Variants in CRTAC1 observed in about 807,000 individuals in gnomAD.
CRTAC1 encodes cartilage acidic protein 1.
In CRTAC1, 37 loss-of-function variants were observed where a neutral mutation model predicts 67.8. The observed-to-expected ratio is 0.55, with a 90% confidence interval of 0.42 to 0.72. CRTAC1 has a LOEUF of 0.72. Ranked by LOEUF, CRTAC1 falls within the 30% of genes least tolerant of loss-of-function variation. CRTAC1 has a pLI of 0.00. For synonymous variants in CRTAC1, 348 were observed against 371.0 expected (o/e 0.94, Z 0.71); for missense variants, 780 against 931.6 (o/e 0.84, Z 2.12).
In CRTAC1 at chr10:97,895,720, T is replaced by C. The variant is rs2050447707; in HGVS notation, c.1317+165A>G. Among the ~76,000 whole-genome samples, 1 of 152,140 alleles carries C rather than the reference T, an allele frequency of 6.6e-6. No individual in the cohort carries two copies. The highest frequency in any genetic ancestry group is 6.5e-5 in the Admixed American group (1 of 15,278). On this transcript the variant is annotated intron_variant, in intron 10 of 14. Coordinates refer to ENST00000370597, the MANE Select transcript of CRTAC1 (RefSeq NM_018058.7). The surrounding 1 kb of genome is among the most constrained non-coding windows in gnomAD (Gnocchi z 4.2). ...GGGCTTCTCCCAAGGCGGCCCTTCC[T>C]GAGCTTCCCGGTGCTGCTGGAATTT... is the stretch of plus-strand genomic sequence containing the variant.
intron 2 of CRTAC1, among the ~76,000 whole-genome samples, chr10:97,943,864 G>A (rs1212331916): frequency 2.6e-5 from 4 of 152,170 alleles, no homozygotes; most frequent in Admixed American, 6.5e-5. Flanking sequence ...TCCATTTGGC[G>A]CTTTACTGAA....
chr10:97,897,491 A>G (rs1405186335), intron 8 of CRTAC1, among the ~76,000 whole-genome samples: 1 of 152,184 alleles, frequency 6.6e-6, no homozygotes. Context: ...CCCTGGTAGA[A>G]TGTGAGCTCT....
intron 2 of CRTAC1, among the ~76,000 whole-genome samples, chr10:97,940,919 C>T (rs755732313): frequency 2.6e-5 from 4 of 152,196 alleles, no homozygotes; most frequent in Non-Finnish European, 2.9e-5. Flanking sequence ...GTTGATATTT[C>T]CAAACACACT....
intron 2 of CRTAC1, among the ~76,000 whole-genome samples, chr10:97,994,374 G>T (rs374816361): frequency 6.6e-5 from 10 of 152,238 alleles, no homozygotes; most frequent in African/African-American, 2.4e-4. Context: ...CACCAGATAG[G>T]GTGCTCGCTC....
chr10:97,891,709 C>T (rs576938711), intron 11 of CRTAC1, among the ~76,000 whole-genome samples: 1 of 152,362 alleles, frequency 6.6e-6, no homozygotes, highest in Non-Finnish European at 1.5e-5. Context: ...CCATGTCCTT[C>T]CCTCCATCTG....
chr10:97,944,365 G>C (rs892720189), intron 2 of CRTAC1, among the ~76,000 whole-genome samples: 1 of 152,078 alleles, frequency 6.6e-6, no homozygotes, highest in Admixed American at 6.5e-5. Flanking sequence ...CGGGGAGGCA[G>C]ATGTTGCAGT....
chr10:97,953,660 A>T (rs535335081), intron 2 of CRTAC1, among the ~76,000 whole-genome samples: 15 of 152,260 alleles, frequency 9.9e-5, no homozygotes, highest in African/African-American at 3.4e-4. Flanking sequence ...TGGGGTCATT[A>T]TTTATCTCCC....
intron 1 of CRTAC1, among the ~76,000 whole-genome samples, chr10:98,016,915 C>T (rs1843009207): frequency 6.6e-6 from 1 of 152,058 alleles, no homozygotes; most frequent in South Asian, 2.1e-4. Context: ...AAAAGCAGAG[C>T]AGGATGACAC....
At position 97,904,753 on chromosome 10, in the gene CRTAC1, G is replaced by A; in HGVS notation, c.912C>T (p.Gly304=). The A allele has an allele frequency of 6.2e-7, 1 of 1,607,700 alleles. No individual in the cohort carries two copies. Among genetic ancestry groups the A allele is most frequent in the Non-Finnish European group, 8.5e-7 (1 of 1,177,350 alleles). ...GVALADFNRD[G]KVDIVYGNWN... ...AGTTGCCATAGACGATGTCCACTTTGCCATCACGGTTGAAGTCAGCCAGGG... is the reference window on the plus strand; with the variant it reads ...AGTTGCCATAGACGATGTCCACTTTACCATCACGGTTGAAGTCAGCCAGGG... The change falls in exon 7 of 15, where the codon GGC becomes GGT. Residue 304 remains glycine (G), a synonymous_variant. Coordinates refer to ENST00000370597, the MANE Select transcript of CRTAC1 (RefSeq NM_018058.7).
intron 2 of CRTAC1, among the ~76,000 whole-genome samples, chr10:97,974,704 C>T (rs755773392): frequency 1.6e-4 from 24 of 152,346 alleles, no homozygotes; most frequent in Admixed American, 5.9e-4. Context: ...GGGGTCACCC[C>T]TGCCTCTGCC....
intron 5 of CRTAC1, among the ~76,000 whole-genome samples, chr10:97,913,994 A>G (rs987692770): frequency 1.3e-5 from 2 of 152,216 alleles, no homozygotes; most frequent in Non-Finnish European, 1.5e-5. Context: ...CCCACCTGAC[A>G]TCATAAATCC....
chr10:97,916,199 C>T (rs2050756894), intron 5 of CRTAC1, among the ~76,000 whole-genome samples: 1 of 151,798 alleles, frequency 6.6e-6, no homozygotes, highest in Non-Finnish European at 1.5e-5. Context: ...ACTTAATTGC[C>T]AAGCCAGCCC....
rs749919406 is a variant in CRTAC1, at chr10:98,024,746, C to CTTTTTTTT, written c.24+5695_24+5702dup. Among the ~76,000 whole-genome samples, 3 of 65,052 alleles carry CTTTTTTTT rather than the reference C, an allele frequency of 4.6e-5. 1 individual carries two copies. Among genetic ancestry groups the CTTTTTTTT allele is most frequent in the Non-Finnish European group, 9.5e-5 (3 of 31,414 alleles). 42.7% of individuals were successfully genotyped at this position (65,052 alleles called of 152,430 possible). On this transcript the variant is annotated intron_variant, in intron 1 of 14. Transcript: ENST00000370597. The stretch of plus-strand genomic sequence containing the variant: ...CTCTAAAGAGAATGATTATATTATC[C>CTTTTTTTT]TTTTTTTTTTTTTTTTTTTTTTTTT...
At chr10:97,954,238 C>G (rs2051404922) in intron 2 of CRTAC1, among the ~76,000 whole-genome samples, 1 of 152,158 alleles carries the variant, frequency 6.6e-6, no homozygotes, top group Non-Finnish European at 1.5e-5. Flanking sequence ...AGAACAGCAT[C>G]TAGGAGGCAT....
chr10:97,876,615 T>C (rs1402027082), intron 14 of CRTAC1, among the ~76,000 whole-genome samples: 1 of 152,146 alleles, frequency 6.6e-6, no homozygotes, highest in Non-Finnish European at 1.5e-5. Context: ...TCCATTTCAT[T>C]ACTTGACTGC....
At chr10:97,894,708 TTACATATATATATATATATATATATATA>T (rs1434856185) in intron 11 of CRTAC1, among the ~76,000 whole-genome samples, 2 of 39,990 alleles carry the variant, frequency 5.0e-5, no homozygotes, top group African/African-American at 1.4e-4. Flanking sequence ...CCTGATGCTT[TTACATATATATATATATATATATATATA>T]TATATATATA....
chr10:97,908,551 T>A (rs891056826), intron 5 of CRTAC1, among the ~76,000 whole-genome samples: 1 of 152,214 alleles, frequency 6.6e-6, no homozygotes, highest in Non-Finnish European at 1.5e-5. Flanking sequence ...GAGTGATACA[T>A]ATGCTGGTCA....
rs922109617 is a variant in CRTAC1, at chr10:98,029,765, C to T, written c.24+684G>A. 6.0e-5 allele frequency among the ~76,000 whole-genome samples: 9 copies of T among 149,846 alleles called. No homozygotes were observed. The highest frequency in any genetic ancestry group is 1.9e-4 in the African/African-American group (8 of 41,304). ...GGCCTGGCTGCCCCATCAAAGCCTC[C>T]AAGTGCCCCCACGGGGTCGAGGAGG... On this transcript the variant is annotated intron_variant, in intron 1 of 14. Coordinates refer to ENST00000370597, the MANE Select transcript of CRTAC1 (RefSeq NM_018058.7). This position sits in a 1 kb window ranked among gnomAD's most constrained non-coding sequence, Gnocchi z 4.7.
At chr10:97,872,979 C>A (rs1345005153) in intron 14 of CRTAC1, among the ~76,000 whole-genome samples, 2 of 152,162 alleles carry the variant, frequency 1.3e-5, no homozygotes, top group Non-Finnish European at 2.9e-5. Flanking sequence ...GAAGTGAAAC[C>A]AGGAGGTTAA....
Sources: gnomAD v4.1 joint callset for allele counts (sites outside exome capture counted in the v4.1 genomes callset) on GRCh38, gnomAD v4.1.1 for gene constraint, Gnocchi (gnomAD v3.1) non-coding constraint, MANE v1.5 for transcripts, NCBI Gene and HGNC (gene_info 2026-07-23, HGNC 2026-07-21) for gene names.